Variants in JADE3 observed in about 807,000 individuals in gnomAD.
The protein encoded by JADE3 is protein Jade-3.
In JADE3, 2 loss-of-function variants were observed where a neutral mutation model predicts 50.1. The observed-to-expected ratio is 0.04, with a 90% CI of 0.02 to 0.13. JADE3 has a LOEUF of 0.13. Among genes scored for constraint, JADE3 ranks in the 10% least tolerant of loss-of-function variants. The pLI, the probability that JADE3 is intolerant of heterozygous loss-of-function variation, is 1.00. For synonymous variants in JADE3, 218 were observed against 232.9 expected, an observed-to-expected ratio of 0.94 and a Z score of 0.58; for missense variants, 475 against 634.4, an observed-to-expected ratio of 0.75 and a Z score of 2.70.
chrX:47,037,916 C>G (rs997838108), intron 7 of JADE3, among the ~76,000 whole-genome samples: 3 of 111,296 alleles, frequency 2.7e-5, no homozygotes, highest in Non-Finnish European at 5.7e-5. Flanking sequence ...CATTAATTAT[C>G]GTCACCCTCC....
intron 8 of JADE3, among the ~76,000 whole-genome samples, chrX:47,053,460 T>G (rs1929564210): frequency 9.0e-6 from 1 of 110,875 alleles, no homozygotes; most frequent in Non-Finnish European, 1.9e-5. Flanking sequence ...GGTTTCGCCA[T>G]GTTGCCCAAG....
chrX:46,966,266 G>A (rs1927365471), intron 1 of JADE3, among the ~76,000 whole-genome samples: 1 of 111,594 alleles, frequency 9.0e-6, no homozygotes, highest in Non-Finnish European at 1.9e-5. Flanking sequence ...AGTGTTGATC[G>A]TCTTCCAGCT....
intron 7 of JADE3, among the ~76,000 whole-genome samples, chrX:47,038,653 C>CT (rs1221328541): frequency 1.2e-4 from 4 of 32,298 alleles, no homozygotes; most frequent in Non-Finnish European, 2.0e-4. Context: ...GACCTTGTCT[C>CT]TAAAAAAAAA....
chrX:47,005,931 C>T (rs1249283081), intron 4 of JADE3, among the ~76,000 whole-genome samples: 2 of 111,333 alleles, frequency 1.8e-5, no homozygotes, highest in African/African-American at 6.5e-5. Flanking sequence ...GATCTCCAGC[C>T]AGATAGTGTC....
intron 3 of JADE3, among the ~76,000 whole-genome samples, chrX:46,995,410 A>C (rs1928105484): frequency 9.0e-6 from 1 of 111,476 alleles, no homozygotes; most frequent in Admixed American, 9.6e-5. Context: ...ATCCAGCTAG[A>C]TTCAGCTCAA....
intron 6 of JADE3, among the ~76,000 whole-genome samples, chrX:47,031,422 C>T (rs1012449679): frequency 1.8e-5 from 2 of 111,387 alleles, no homozygotes; most frequent in African/African-American, 3.3e-5. Context: ...TACTCAAGCT[C>T]AGCATAGGGG....
Position 47,059,139 on chromosome X carries a change from A to G in JADE3, c.*62A>G, listed in dbSNP as rs1929707508. 6 of 832,027 alleles carry G rather than the reference A, an allele frequency of 7.2e-6. No individual in the cohort carries two copies. The highest frequency in any genetic ancestry group is 5.5e-5 in the South Asian group (2 of 36,610). 68.6% of individuals were successfully genotyped at this position (832,027 alleles called of 1,213,427 possible). A position where few individuals can be genotyped will look rare whatever the true frequency, so the allele number is the denominator to read the frequency against. ...GCCCCATATATTGGGGAAAACCCAT[A>G]CACCAAAAGGATTTTAGCATATGTT... is the stretch of plus-strand genomic sequence containing the variant. On this transcript the variant is annotated 3_prime_UTR_variant, in exon 11 of 11. Coordinates refer to ENST00000614628, the MANE Select transcript of JADE3 (RefSeq NM_014735.5).
intron 5 of JADE3, among the ~76,000 whole-genome samples, chrX:47,026,692 C>G (rs1002202428): frequency 9.0e-6 from 1 of 111,424 alleles, no homozygotes; most frequent in East Asian, 2.8e-4. Flanking sequence ...GAATTAAGAA[C>G]TTTTTAAGTT....
intron 1 of JADE3, among the ~76,000 whole-genome samples, chrX:46,960,391 T>C (rs1927234293): frequency 8.9e-6 from 1 of 112,225 alleles, no homozygotes; most frequent in Non-Finnish European, 1.9e-5. Flanking sequence ...CGGAATTGTT[T>C]ATACAAGTAA....
intron 8 of JADE3, among the ~76,000 whole-genome samples, chrX:47,043,941 A>C (rs1323493156): frequency 3.6e-5 from 4 of 111,597 alleles, no homozygotes; most frequent in Non-Finnish European, 3.8e-5. Flanking sequence ...TAAGCAGAAG[A>C]ATTAGTGAGC....
At chrX:47,022,401 GA>G (rs1928815318) in intron 4 of JADE3, among the ~76,000 whole-genome samples, 2 of 111,779 alleles carry the variant, frequency 1.8e-5, no homozygotes, top group Admixed American at 1.9e-4. Context: ...CCATATAGTA[GA>G]AAAATTAAAA....
chrX:47,056,339 A>G, intron 10 of JADE3, 140 bp downstream of exon 10: 1 of 410,687 alleles, frequency 2.4e-6, no homozygotes, highest in African/African-American at 2.5e-5. Flanking sequence ...CTTCAGTCTA[A>G]TCTTAATATA....
intron 3 of JADE3, among the ~76,000 whole-genome samples, chrX:46,989,370 G>A (rs1927932093): frequency 9.0e-6 from 1 of 111,694 alleles, no homozygotes; most frequent in Non-Finnish European, 1.9e-5. Context: ...TCCTTTAGCT[G>A]TTATTTTAGG....
At chrX:47,049,117 G>T (rs150392849) in intron 8 of JADE3, among the ~76,000 whole-genome samples, 2 of 110,034 alleles carry the variant, frequency 1.8e-5, no homozygotes, top group East Asian at 2.8e-4. Context: ...AATAGAATGC[G>T]CCAGACATAT....
At chrX:46,990,556 C>T (rs1006971206) in intron 3 of JADE3, among the ~76,000 whole-genome samples, 13 of 111,312 alleles carry the variant, frequency 1.2e-4, no homozygotes, top group Non-Finnish European at 2.3e-4. Flanking sequence ...GGCTCCCTAC[C>T]CAGTCTGCCA....
intron 8 of JADE3, among the ~76,000 whole-genome samples, chrX:47,041,253 T>C (rs781955407): frequency 8.9e-6 from 1 of 112,212 alleles, no homozygotes; most frequent in Non-Finnish European, 1.9e-5. Flanking sequence ...TATTGTACCA[T>C]GGATTCATTT....
At chrX:46,917,862 T>TCATC (rs1569533776) in intron 1 of JADE3, among the ~76,000 whole-genome samples, 10,010 of 71,238 alleles carry the variant, frequency 0.14, 1,159 homozygotes, top group Non-Finnish European at 0.19. Context: ...TCTCATCCTC[T>TCATC]CTCTCTCTCT....
In JADE3 at chrX:47,059,249, C is replaced by T; in HGVS notation, c.*172C>T. ...GAAAATGTTTCAAGTCTAGTTTTTA[C>T]AAGCACATTACAGTAATTGCAGGTT... On this transcript the variant is annotated 3_prime_UTR_variant, in exon 11 of 11. Coordinates refer to ENST00000614628, the MANE Select transcript of JADE3 (RefSeq NM_014735.5). 2 of 435,963 alleles carry T rather than the reference C, an allele frequency of 4.6e-6. No individual in the cohort carries two copies. Among genetic ancestry groups the T allele is most frequent in the Non-Finnish European group, 7.6e-6 (2 of 261,616 alleles). 35.9% of individuals were successfully genotyped at this position (435,963 alleles called of 1,213,427 possible). A position where few individuals can be genotyped will look rare whatever the true frequency, so the allele number is the denominator to read the frequency against.
intron 3 of JADE3, among the ~76,000 whole-genome samples, chrX:46,989,259 T>A (rs1399352939): frequency 8.9e-6 from 1 of 112,539 alleles, no homozygotes; most frequent in Admixed American, 9.4e-5. Context: ...TTCAAACAGT[T>A]GTTTTAAGGT....
Sources: allele counts gnomAD v4.1 joint callset (sites outside exome capture counted in the v4.1 genomes callset), GRCh38; gene constraint gnomAD v4.1.1; transcripts MANE v1.5; gene names NCBI Gene and HGNC (gene_info 2026-07-23, HGNC 2026-07-21).